Variants in RREB1 observed in about 807,000 individuals in gnomAD.
RREB1 encodes ras-responsive element-binding protein 1.
A neutral mutation model predicts 117.8 loss-of-function variants in RREB1; 27 were observed. The observed-to-expected ratio is 0.23, with a 90% confidence interval of 0.17 to 0.32. The LOEUF is 0.32. RREB1 is among the 10% of genes least tolerant of loss of function. RREB1 has a pLI of 1.00. For missense variants in RREB1, 2,577 were observed against 2,378.2 expected (o/e 1.08, Z -1.74); for synonymous variants, 1,298 against 1,026.7 (o/e 1.26, Z -5.05).
At chr6:7,126,151 A>C (rs531335006) in intron 1 of RREB1, among the ~76,000 whole-genome samples, 1 of 151,440 alleles carries the variant, frequency 6.6e-6, no homozygotes, top group Non-Finnish European at 1.5e-5. Context: ...ACAGGTGCGC[A>C]CCACCACACC....
At chr6:7,119,369 C>T (rs899935781) in intron 1 of RREB1, among the ~76,000 whole-genome samples, 2 of 152,010 alleles carry the variant, frequency 1.3e-5, no homozygotes, top group South Asian at 2.1e-4. Context: ...GAAAAGGACA[C>T]GTGTTCAGCA....
chr6:7,231,971 G>A, intron 10 of RREB1, 64 bp downstream of exon 10: 1 of 1,477,160 alleles, frequency 6.8e-7, no homozygotes, highest in Non-Finnish European at 9.1e-7. Flanking sequence ...GCCACGAGTG[G>A]GGGTCAAAAG....
chr6:7,143,455 A>G (rs1247856887), intron 1 of RREB1, among the ~76,000 whole-genome samples: 2 of 152,082 alleles, frequency 1.3e-5, no homozygotes, highest in East Asian at 3.8e-4. Context: ...GGGGAGGTGC[A>G]TGTTCTGGTT....
chr6:7,191,357 A>G (rs1378647632), intron 6 of RREB1, among the ~76,000 whole-genome samples: 4 of 152,090 alleles, frequency 2.6e-5, no homozygotes, highest in Non-Finnish European at 5.9e-5. Flanking sequence ...CATTTTACTT[A>G]TCCCTTGATC....
intron 1 of RREB1, among the ~76,000 whole-genome samples, chr6:7,114,468 T>TG (rs35413838): frequency 0.12 from 15,832 of 130,352 alleles, 1,202 homozygotes; most frequent in African/African-American, 0.21. Flanking sequence ...GTGTTTCTGG[T>TG]GGGGGGGGGG....
At chr6:7,164,155 A>G (rs1042186820) in intron 1 of RREB1, among the ~76,000 whole-genome samples, 4 of 152,292 alleles carry the variant, frequency 2.6e-5, no homozygotes, top group East Asian at 1.9e-4. Flanking sequence ...AAAAGATCCT[A>G]AAAAATACTG....
At chr6:7,214,835 G>A (rs1766811901) in intron 8 of RREB1, 1 of 152,238 alleles carries the variant, frequency 6.6e-6, no homozygotes, top group Admixed American at 6.5e-5. Context: ...CACTGGCAAG[G>A]TGCCCATTGT....
At chr6:7,109,056 G>A (rs1173247803) in intron 1 of RREB1, among the ~76,000 whole-genome samples, 3 of 151,646 alleles carry the variant, frequency 2.0e-5, no homozygotes, top group South Asian at 2.1e-4. Flanking sequence ...GCCGTCACGA[G>A]CACAGGAAGG....
At chr6:7,191,452 G>A (rs920579469) in intron 6 of RREB1, among the ~76,000 whole-genome samples, 14 of 152,046 alleles carry the variant, frequency 9.2e-5, no homozygotes, top group Admixed American at 3.3e-4. Context: ...ATTTTGTGTG[G>A]GCCTGTGTTT....
intron 6 of RREB1, among the ~76,000 whole-genome samples, chr6:7,208,098 C>T (rs9505079): frequency 0.023 from 3,512 of 152,186 alleles, 125 homozygotes; most frequent in African/African-American, 0.08. Context: ...TCTCAGGATG[C>T]GTGGAAATTA....
intron 1 of RREB1, among the ~76,000 whole-genome samples, chr6:7,130,989 A>T (rs1450389528): frequency 8.5e-6 from 1 of 117,804 alleles, no homozygotes; most frequent in East Asian, 2.9e-4. Flanking sequence ...CCCAGGCTGG[A>T]GGTCAGTGGC....
Position 7,236,297 on chromosome 6 carries a change from C to G in RREB1, c.3809-4141C>G, listed in dbSNP as rs567419971. ...GGGACTATGGGGTGTCCATTCCGGG[C>G]TTCCCTGGCTTGCTTACTTTCTCAT... On this transcript the variant is annotated intron_variant, in intron 10 of 12. Coordinates refer to ENST00000379938, the MANE Select transcript of RREB1 (RefSeq NM_001003699.4). 3.9e-5 allele frequency among the ~76,000 whole-genome samples: 6 copies of G among 152,290 alleles called. No homozygotes were observed. The East Asian group carries it at 1.2e-3, about 29-fold the overall frequency.
At chr6:7,132,401 AGC>A (rs1762191840) in intron 1 of RREB1, among the ~76,000 whole-genome samples, 1 of 152,042 alleles carries the variant, frequency 6.6e-6, no homozygotes, top group Non-Finnish European at 1.5e-5. Flanking sequence ...CTGGGCCTCA[AGC>A]GATCCATCTA....
At chr6:7,119,902 T>C (rs1318289164) in intron 1 of RREB1, among the ~76,000 whole-genome samples, 1 of 152,008 alleles carries the variant, frequency 6.6e-6, no homozygotes, top group African/African-American at 2.4e-5. Context: ...TAGAAGGATT[T>C]GATAAAGGTT....
At chr6:7,238,552 G>A (rs998193552) in intron 10 of RREB1, among the ~76,000 whole-genome samples, 1 of 152,162 alleles carries the variant, frequency 6.6e-6, no homozygotes, top group African/African-American at 2.4e-5. Flanking sequence ...AAGTAATTTG[G>A]AAGACGCACC....
chr6:7,146,342 C>G (rs556528778), intron 1 of RREB1, among the ~76,000 whole-genome samples: 9 of 151,534 alleles, frequency 5.9e-5, no homozygotes, highest in Admixed American at 2.6e-4. Context: ...TCTGTGGGAC[C>G]GGGGGTAGAT....
rs779379387 is a variant in RREB1, at chr6:7,181,929, C to G, written c.18C>G (p.Pro6=). The G allele has an allele frequency of 1.9e-6, 3 of 1,614,216 alleles. No homozygotes were observed. Among genetic ancestry groups the G allele is most frequent in the African/African-American group, 2.7e-5 (2 of 75,058 alleles). Residue 6 remains proline, a synonymous_variant, in exon 4 of 13, where the codon CCC becomes CCG. Transcript: ENST00000379938. MTSSS[P]AGLEGSDLSS... is the part of the protein sequence containing the mutation. ...CTGTCCCAATGACGTCAAGTTCGCCCGCTGGCTTGGAAGGTTCAGACCTAT... is the reference window on the plus strand; with the variant it reads ...CTGTCCCAATGACGTCAAGTTCGCCGGCTGGCTTGGAAGGTTCAGACCTAT...
In RREB1 at chr6:7,243,753, G is replaced by C. The variant is rs1768850714; in HGVS notation, c.3974-2671G>C. ...TCCGGGTGATCTCTCTCCATTATCC[G>C]CGCAAAGGAAGGGCCCGAGAGCAGG... On this transcript the variant is annotated intron_variant, in intron 11 of 12. Coordinates refer to ENST00000379938, the MANE Select transcript of RREB1 (RefSeq NM_001003699.4). 3.9e-5 allele frequency among the ~76,000 whole-genome samples: 6 copies of C among 152,290 alleles called. No homozygotes were observed. In the South Asian group the frequency reaches 1.0e-3, roughly 26 times the overall value.
At position 7,249,681 on chromosome 6, in the gene RREB1, G is replaced by A. The variant is rs920486769; in HGVS notation, c.*713G>A. ...GACATGGTCACTGTTCAAGTTTCAA[G>A]ACATCCATTCTTAACTATAGAGAAG... On this transcript the variant is annotated 3_prime_UTR_variant, in exon 13 of 13. Transcript: ENST00000379938. 1 of 152,056 alleles carries A rather than the reference G, an allele frequency of 6.6e-6. No individual in the cohort carries two copies. The highest frequency in any genetic ancestry group is 1.5e-5 in the Non-Finnish European group (1 of 68,016). 9.4% of individuals were successfully genotyped at this position (152,056 alleles called of 1,614,324 possible). A position where few individuals can be genotyped will look rare whatever the true frequency, so the allele number is the denominator to read the frequency against.
Sources: gnomAD v4.1 joint callset for allele counts (sites outside exome capture counted in the v4.1 genomes callset) on GRCh38, gnomAD v4.1.1 for gene constraint, MANE v1.5 for transcripts, NCBI Gene and HGNC (gene_info 2026-07-23, HGNC 2026-07-21) for gene names.